The following CHRM3 variants were observed in gnomAD, a reference collection of about 807,000 sequenced individuals.
CHRM3 encodes the protein cholinergic receptor muscarinic 3, also known as muscarinic acetylcholine receptor M3.
A neutral mutation model predicts 41.8 loss-of-function variants in CHRM3; 11 were observed. The ratio of observed to expected loss-of-function variants is 0.26; its 90% CI spans 0.17 to 0.44. The LOEUF is 0.44. Among genes scored for constraint, CHRM3 ranks in the 20% least tolerant of loss-of-function variants. The pLI is 1.00. For synonymous variants in CHRM3, 297 were observed against 301.4 expected, an observed-to-expected ratio of 0.99 and a Z score of 0.15; for missense variants, 571 against 745.4, an observed-to-expected ratio of 0.77 and a Z score of 2.72.
intron 1 of CHRM3, among the ~76,000 whole-genome samples, chr1:239,420,040 GGT>G (rs963712614): frequency 6.6e-6 from 1 of 152,138 alleles, no homozygotes; most frequent in Non-Finnish European, 1.5e-5. Context: ...GCATAACGAT[GGT>G]TTAAGACAAG....
intron 1 of CHRM3, among the ~76,000 whole-genome samples, chr1:239,462,476 A>G (rs1665429602): frequency 6.6e-6 from 1 of 152,122 alleles, no homozygotes. Context: ...TTTTGTTTTT[A>G]TAATATAATG....
At chr1:239,395,893 C>T (rs972237451) in intron 1 of CHRM3, among the ~76,000 whole-genome samples, 3 of 152,200 alleles carry the variant, frequency 2.0e-5, no homozygotes, top group Non-Finnish European at 4.4e-5. Context: ...TTTGACATCA[C>T]CTTCCATTGC....
At chr1:239,573,720 TG>T (rs1662041290) in intron 3 of CHRM3, among the ~76,000 whole-genome samples, 1 of 152,164 alleles carries the variant, frequency 6.6e-6, no homozygotes, top group East Asian at 1.9e-4. Flanking sequence ...ATCTCTTCAC[TG>T]TATTGTTCTC....
intron 5 of CHRM3, among the ~76,000 whole-genome samples, chr1:239,709,734 C>T (rs1049381006): frequency 1.2e-4 from 18 of 152,118 alleles, no homozygotes; most frequent in Admixed American, 5.2e-4. Context: ...AATTTCTAGA[C>T]ATTTATTTTA....
At chr1:239,468,569 C>A (rs1665895497) in intron 1 of CHRM3, among the ~76,000 whole-genome samples, 1 of 152,134 alleles carries the variant, frequency 6.6e-6, no homozygotes, top group Non-Finnish European at 1.5e-5. Flanking sequence ...AAACAGCAGT[C>A]AGGTCTTTAA....
At chr1:239,739,683 G>A (rs1343208342) in intron 5 of CHRM3, among the ~76,000 whole-genome samples, 1 of 151,836 alleles carries the variant, frequency 6.6e-6, no homozygotes, top group African/African-American at 2.4e-5. Context: ...TTTTTTTAAT[G>A]TTTTGCTAGT....
At position 239,513,889 on chromosome 1, in the gene CHRM3, A is replaced by G. The variant is rs536954654; in HGVS notation, c.-422+21082A>G. On this transcript the variant is annotated intron_variant, in intron 2 of 6. Coordinates refer to ENST00000676153, the MANE Select transcript of CHRM3 (RefSeq NM_001375978.1). ...TCCCAGCACCATTTGTTGAAGCGAT[A>G]TCTTTGTTCCATAGTATTGCATTTG... Among the ~76,000 whole-genome samples, 33 of 152,206 alleles carry G rather than the reference A, an allele frequency of 2.2e-4. 1 individual carries two copies. The South Asian group carries it at 6.6e-3, about 31-fold the overall frequency.
chr1:239,771,315 C>T (rs1667649082), intron 5 of CHRM3, among the ~76,000 whole-genome samples: 1 of 152,096 alleles, frequency 6.6e-6, no homozygotes, highest in Admixed American at 6.6e-5. Context: ...GGCTTGCCTC[C>T]TCTCTGCCCT....
At chr1:239,711,724 C>T (rs1388744003) in intron 5 of CHRM3, among the ~76,000 whole-genome samples, 1 of 150,250 alleles carries the variant, frequency 6.7e-6, no homozygotes, top group Non-Finnish European at 1.5e-5. Flanking sequence ...GGGTCTCACT[C>T]TGTTGCCCAG....
chr1:239,527,208 A>C (rs1170264183), intron 2 of CHRM3, among the ~76,000 whole-genome samples: 1 of 152,214 alleles, frequency 6.6e-6, no homozygotes. Context: ...CAAAACAGTT[A>C]CTGTATTTAT....
chr1:239,529,632 CA>C (rs71649189), intron 2 of CHRM3, among the ~76,000 whole-genome samples: 66,023 of 132,620 alleles, frequency 0.5, 16,094 homozygotes, highest in Middle Eastern at 0.64. Flanking sequence ...AAAAAAAAAA[CA>C]AACAAACAAC....
intron 3 of CHRM3, among the ~76,000 whole-genome samples, chr1:239,574,805 TTCTTCCTCC>T (rs930361678): frequency 3.9e-5 from 6 of 152,086 alleles, no homozygotes; most frequent in Non-Finnish European, 8.8e-5. Flanking sequence ...TCTTCTTTCT[TTCTTCCTCC>T]TCTTCCTCCT....
At chr1:239,843,398 A>G (rs928032790) in intron 6 of CHRM3, among the ~76,000 whole-genome samples, 17 of 146,552 alleles carry the variant, frequency 1.2e-4, no homozygotes, top group Non-Finnish European at 1.8e-4. Context: ...AATCTCTTAG[A>G]TTATAAACTC....
At chr1:239,500,110 T>C (rs991620742) in intron 2 of CHRM3, among the ~76,000 whole-genome samples, 22 of 140,950 alleles carry the variant, frequency 1.6e-4, no homozygotes, top group African/African-American at 5.4e-4. Flanking sequence ...ACCTAATTTA[T>C]TGAGAGTTTT....
chr1:239,541,535 A>G (rs907040140), intron 2 of CHRM3, among the ~76,000 whole-genome samples: 10 of 152,104 alleles, frequency 6.6e-5, no homozygotes, highest in African/African-American at 2.4e-4. Flanking sequence ...TTTTTGAGAT[A>G]GGGTGTCACT....
chr1:239,833,555 G>A (rs960077454), intron 6 of CHRM3, among the ~76,000 whole-genome samples: 10 of 152,130 alleles, frequency 6.6e-5, no homozygotes, highest in Non-Finnish European at 1.5e-4. Flanking sequence ...TCAGACCCAG[G>A]GGTATTCATG....
intron 6 of CHRM3, among the ~76,000 whole-genome samples, chr1:239,874,295 A>ATATATATATATATATATATATACACAG (rs1676883601): frequency 1.4e-4 from 10 of 73,156 alleles, no homozygotes; most frequent in African/African-American, 5.1e-4. Flanking sequence ...GTATATATAT[A>ATATATATATATATATATATATACACAG]TATATATATA....
At position 239,386,708 on chromosome 1, in the gene CHRM3, C is replaced by T. The variant is rs1658537150; in HGVS notation, c.-1040C>T. ...TGGGGAGGAAAAGACCTCTCCTCCC[C>T]CTTGGAGCGCCTTCTCTCTGCTTTT... On this transcript the variant is annotated 5_prime_UTR_variant, in exon 1 of 7. Transcript: ENST00000676153. 1 of 152,348 alleles carries T rather than the reference C, an allele frequency of 6.6e-6. No individual in the cohort carries two copies. The highest frequency in any genetic ancestry group is 2.4e-5 in the African/African-American group (1 of 41,440). The allele number at this position is 152,348 out of a possible 1,614,324, so 9.4% of individuals were successfully genotyped here.
In CHRM3 at chr1:239,899,276, A is replaced by AGTGTGTGT. The variant is rs71168861; in HGVS notation, c.-19-8132_-19-8125dup. Among the ~76,000 whole-genome samples, 658 of 134,612 alleles carry AGTGTGTGT rather than the reference A, an allele frequency of 4.9e-3. 4 individuals are homozygous for AGTGTGTGT. The highest frequency in any genetic ancestry group is 0.014 in the African/African-American group (469 of 32,720). 88.3% of individuals were successfully genotyped at this position (134,612 alleles called of 152,430 possible). ...TAATTGGCTCTTGCATTTTGAACTC[A>AGTGTGTGT]GTGTGTGTGTGTGTGTGTGTGTGTG... On this transcript the variant is annotated intron_variant, in intron 6 of 6. Transcript: ENST00000676153.
Sources: allele counts gnomAD v4.1 joint callset (sites outside exome capture counted in the v4.1 genomes callset), GRCh38; gene constraint gnomAD v4.1.1; transcripts MANE v1.5; gene names NCBI Gene and HGNC (gene_info 2026-07-23, HGNC 2026-07-21).